KPNA3: variants seen among roughly 807,000 people sequenced by gnomAD.
The protein encoded by KPNA3 is karyopherin subunit alpha 3.
In KPNA3, 13 loss-of-function variants were observed where a neutral mutation model predicts 73.8. The ratio of observed to expected loss-of-function variants is 0.18; its 90% CI spans 0.11 to 0.28. The LOEUF (loss-of-function observed/expected upper bound fraction) is 0.28, where lower values mean the gene tolerates loss of function less well. Ranked by LOEUF, KPNA3 falls within the 10% of genes least tolerant of loss-of-function variation. The pLI, the probability that KPNA3 is intolerant of heterozygous loss-of-function variation, is 1.00. For missense variants in KPNA3, 360 were observed against 618.1 expected, an observed-to-expected ratio of 0.58 and a Z score of 4.43; for synonymous variants, 186 against 206.9, an observed-to-expected ratio of 0.90 and a Z score of 0.87.
At chr13:49,707,893 G>A (rs936070400) in intron 12 of KPNA3, among the ~76,000 whole-genome samples, 3 of 152,104 alleles carry the variant, frequency 2.0e-5, no homozygotes, top group African/African-American at 7.2e-5. Flanking sequence ...TAGTTATGAT[G>A]ACGAAGAAGA....
Position 49,732,344 on chromosome 13 carries a change from TGAA to T in KPNA3, c.383+24_383+26del, listed in dbSNP as rs1566342908. On this transcript the variant is annotated intron_variant, in intron 6 of 16. Transcript: ENST00000261667. The stretch of plus-strand genomic sequence containing the variant: ...AACTTTTAAGTTAACTGAAAAAAAC[TGAA>T]TAGGGAGTAAAATCCATACTTACTT... 3 of 1,210,552 alleles carry T rather than the reference TGAA, an allele frequency of 2.5e-6. No homozygotes were observed. The Admixed American group carries it at 6.6e-5, about 27-fold the overall frequency. 75.0% of individuals were successfully genotyped at this position (1,210,552 alleles called of 1,614,324 possible).
chr13:49,702,582 A>G (rs983944089), intron 15 of KPNA3, 102 bp from the exon 16 acceptor site: 8 of 589,696 alleles, frequency 1.4e-5, no homozygotes, highest in African/African-American at 1.2e-4. Flanking sequence ...GGAACTCAGA[A>G]CACACTGCTC....
At chr13:49,711,979 A>G (rs141555952) in intron 10 of KPNA3, among the ~76,000 whole-genome samples, 43 of 152,246 alleles carry the variant, frequency 2.8e-4, no homozygotes, top group African/African-American at 1.0e-3. Flanking sequence ...TTTTGTCTGG[A>G]CCTCTTGCCT....
At chr13:49,706,065 A>C (rs1469132239) in intron 14 of KPNA3, 33 bp downstream of exon 14, 11 of 1,575,202 alleles carry the variant, frequency 7.0e-6, no homozygotes, top group Non-Finnish European at 9.6e-6. Flanking sequence ...TCCAGTATTA[A>C]CAATCATGAC....
At chr13:49,741,281 A>T (rs772863248) in intron 2 of KPNA3, among the ~76,000 whole-genome samples, 3 of 152,072 alleles carry the variant, frequency 2.0e-5, no homozygotes, top group African/African-American at 4.8e-5. Flanking sequence ...TTTTCTCCAC[A>T]TCCTCACCAA....
chr13:49,746,064 G>GAA (rs398022733), intron 2 of KPNA3, among the ~76,000 whole-genome samples: 21 of 83,074 alleles, frequency 2.5e-4, no homozygotes, highest in Admixed American at 4.1e-4. Flanking sequence ...CTCTGCATCA[G>GAA]AAAAAAAAAA....
intron 1 of KPNA3, among the ~76,000 whole-genome samples, chr13:49,768,926 T>TA (rs922367269): frequency 4.6e-5 from 7 of 152,196 alleles, no homozygotes; most frequent in Non-Finnish European, 8.8e-5. Flanking sequence ...TCTGTATCCT[T>TA]ACATTTCATG....
chr13:49,703,264 C>T (rs1030998611), intron 15 of KPNA3, among the ~76,000 whole-genome samples: 1 of 145,456 alleles, frequency 6.9e-6, no homozygotes, highest in South Asian at 2.2e-4. Context: ...CTCACTGCAA[C>T]CTCCACCTCC....
chr13:49,702,253 T>C (rs1594425842), intron 16 of KPNA3, 133 bp downstream of exon 16: 3 of 601,960 alleles, frequency 5.0e-6, no homozygotes, highest in East Asian at 6.2e-5. Flanking sequence ...AGAAAGTGAC[T>C]GATGGAATGT....
At chr13:49,732,903 TCA>T in intron 3 of KPNA3, 52 bp downstream of exon 3, 1 of 1,392,880 alleles carries the variant, frequency 7.2e-7, no homozygotes, top group South Asian at 1.2e-5. Flanking sequence ...AATGAAGTTC[TCA>T]CAGTTACTAT....
chr13:49,751,339 C>T (rs1478204580), intron 1 of KPNA3, among the ~76,000 whole-genome samples: 5 of 152,172 alleles, frequency 3.3e-5, no homozygotes, highest in Non-Finnish European at 5.9e-5. Flanking sequence ...TCAAACAAGT[C>T]AACCAGAACA....
intron 1 of KPNA3, 121 bp from the exon 2 acceptor site, chr13:49,747,114 G>A: frequency 1.6e-6 from 1 of 616,448 alleles, no homozygotes; most frequent in African/African-American, 1.9e-5. Context: ...GGCCGAGGCG[G>A]GCAGATCACT....
rs377153616 is a variant in KPNA3, at chr13:49,733,448, CT to C, written c.115-403del. On this transcript the variant is annotated intron_variant, in intron 2 of 16. Coordinates refer to ENST00000261667, the MANE Select transcript of KPNA3 (RefSeq NM_002267.4). Reference sequence around the variant, plus strand: ...GGATTACAGTCGTGCGCCACCACACCTGGCTAATTTTTATATTTTTAGTAGA... The same window carrying C: ...GGATTACAGTCGTGCGCCACCACACCGGCTAATTTTTATATTTTTAGTAGA... Among the ~76,000 whole-genome samples the C allele has an allele frequency of 1.4e-4, 21 of 152,170 alleles. No homozygotes were observed. In the East Asian group the frequency reaches 3.9e-3, roughly 28 times the overall value.
chr13:49,723,216 A>G (rs1374688795), intron 7 of KPNA3, among the ~76,000 whole-genome samples: 1 of 152,140 alleles, frequency 6.6e-6, no homozygotes, highest in Non-Finnish European at 1.5e-5. Flanking sequence ...ATGACATTTC[A>G]TATTTATACA....
At chr13:49,719,963 T>C (rs1954339958) in intron 9 of KPNA3, 144 bp from the exon 10 acceptor site, 7 of 564,742 alleles carry the variant, frequency 1.2e-5, no homozygotes, top group Non-Finnish European at 1.8e-5. Context: ...TTTAGGAAAA[T>C]GAAAACCTGA....
At chr13:49,720,862 T>C (rs899897772) in intron 9 of KPNA3, among the ~76,000 whole-genome samples, 1 of 152,158 alleles carries the variant, frequency 6.6e-6, no homozygotes, top group African/African-American at 2.4e-5. Context: ...TACTTTGTTT[T>C]AATTAGTAGA....
intron 6 of KPNA3, among the ~76,000 whole-genome samples, 169 bp from the exon 7 acceptor site, chr13:49,725,670 G>T (rs536077068): frequency 3.2e-4 from 47 of 148,722 alleles, no homozygotes; most frequent in African/African-American, 1.0e-3. Context: ...TTGAGATGGA[G>T]TCTCCCTCCA....
intron 13 of KPNA3, 34 bp from the exon 14 acceptor site, chr13:49,706,203 CTT>C: frequency 6.2e-7 from 1 of 1,610,986 alleles, no homozygotes; most frequent in Non-Finnish European, 8.5e-7. Context: ...AAAATGGACT[CTT>C]TATCCAAAAA....
rs575988318 is a variant in KPNA3 at position 49,768,017 on chromosome 13, G to A, written c.70-21024C>T. On this transcript the variant is annotated intron_variant, in intron 1 of 16. Coordinates refer to ENST00000261667, the MANE Select transcript of KPNA3 (RefSeq NM_002267.4). ...ACTGTGTCTTTGTATTTAAAATGCTGCTACACAATCCCAGCACTTTGGGAG... is the reference window on the plus strand; with the variant it reads ...ACTGTGTCTTTGTATTTAAAATGCTACTACACAATCCCAGCACTTTGGGAG... 9.9e-5 allele frequency among the ~76,000 whole-genome samples: 15 copies of A among 151,832 alleles called. 1 individual carries two copies. Among genetic ancestry groups the A allele is most frequent in the Non-Finnish European group, 2.1e-4 (14 of 67,982 alleles).
Sources: gnomAD v4.1 joint callset for allele counts (sites outside exome capture counted in the v4.1 genomes callset) on GRCh38, gnomAD v4.1.1 for gene constraint, MANE v1.5 for transcripts, NCBI Gene and HGNC (gene_info 2026-07-23, HGNC 2026-07-21) for gene names.